Variants in PCSK5 observed in about 807,000 individuals in gnomAD.
PCSK5 encodes the protein prohormone convertase 5.
Under a neutral mutation model 233.2 loss-of-function variants are expected in PCSK5, and 129 were observed. The observed-to-expected ratio is 0.55, with a 90% CI of 0.48 to 0.64. The LOEUF is 0.64. Among genes scored for constraint, PCSK5 ranks in the 30% least tolerant of loss-of-function variants. PCSK5 has a pLI of 0.00. For synonymous variants in PCSK5, 825 were observed against 879.2 expected (o/e 0.94, Z 1.09); for missense variants, 2,076 against 2,430.1 (o/e 0.85, Z 3.06).
chr9:75,963,913 C>T (rs1040178739), intron 2 of PCSK5, among the ~76,000 whole-genome samples: 12 of 152,258 alleles, frequency 7.9e-5, no homozygotes, highest in Admixed American at 5.9e-4. Context: ...ATTCAGTCAC[C>T]GTATACCATA....
intron 3 of PCSK5, among the ~76,000 whole-genome samples, chr9:75,998,148 T>G (rs904534077): frequency 2.0e-5 from 3 of 152,204 alleles, no homozygotes; most frequent in Non-Finnish European, 4.4e-5. Flanking sequence ...AGAGAAATCA[T>G]TTTTATCTTT....
At chr9:75,965,261 ATGTGTG>A (rs71372035) in intron 2 of PCSK5, among the ~76,000 whole-genome samples, 57,267 of 149,618 alleles carry the variant, frequency 0.38, 11,284 homozygotes, top group East Asian at 0.51. Flanking sequence ...ATGTGTGTAT[ATGTGTG>A]TGTGTGTGTG....
At chr9:76,262,939 A>C (rs536266132) in intron 24 of PCSK5, among the ~76,000 whole-genome samples, 2,923 of 151,608 alleles carry the variant, frequency 0.019, 35 homozygotes, top group Middle Eastern at 0.041. Context: ...AAGAAAAAAA[A>C]AAACAACCCC....
intron 9 of PCSK5, among the ~76,000 whole-genome samples, chr9:76,115,304 A>G (rs1312055697): frequency 1.3e-5 from 2 of 152,100 alleles, no homozygotes; most frequent in Non-Finnish European, 2.9e-5. Context: ...AAAAGTGCCT[A>G]CCCGGAGATC....
chr9:76,200,665 T>C (rs112078175), intron 20 of PCSK5, among the ~76,000 whole-genome samples: 3,466 of 152,094 alleles, frequency 0.023, 56 homozygotes, highest in Middle Eastern at 0.034. Context: ...TCAAAGAAGG[T>C]TATGATGTTT....
chr9:76,082,749 G>A (rs562105806), intron 7 of PCSK5, among the ~76,000 whole-genome samples: 3 of 151,774 alleles, frequency 2.0e-5, no homozygotes, highest in South Asian at 2.1e-4. Flanking sequence ...TGTTGCAATC[G>A]ATATTCATCA....
chr9:76,338,512 G>A, intron 35 of PCSK5, 65 bp downstream of exon 35: 1 of 1,192,780 alleles, frequency 8.4e-7, no homozygotes, highest in Non-Finnish European at 1.2e-6. Context: ...TTCCTTATTT[G>A]CCCCTTTCTC....
chr9:76,286,757 CAGA>C (rs1828084429), intron 24 of PCSK5: 1 of 159,866 alleles, frequency 6.3e-6, no homozygotes, highest in Admixed American at 6.5e-5. Context: ...TCTGCTGCTG[CAGA>C]AGGAGGAAGA....
chr9:75,968,122 G>C (rs1361111737), intron 2 of PCSK5, among the ~76,000 whole-genome samples: 1 of 152,206 alleles, frequency 6.6e-6, no homozygotes, highest in East Asian at 1.9e-4. Flanking sequence ...CTGATCCAGG[G>C]AGTCAGAGGG....
At chr9:76,291,430 A>C (rs776812131) in intron 24 of PCSK5, among the ~76,000 whole-genome samples, 5 of 152,248 alleles carry the variant, frequency 3.3e-5, no homozygotes, top group Non-Finnish European at 5.9e-5. Flanking sequence ...TAAAATAAGA[A>C]GAGCAAGACT....
chr9:76,040,643 T>A (rs1009009380), intron 5 of PCSK5, among the ~76,000 whole-genome samples: 14 of 152,296 alleles, frequency 9.2e-5, no homozygotes, highest in Middle Eastern at 6.8e-3. Flanking sequence ...ACATAGCTTA[T>A]GAAAGTGAGT....
intron 22 of PCSK5, 94 bp from the exon 23 acceptor site, chr9:76,238,865 C>A: frequency 2.2e-6 from 2 of 922,960 alleles, no homozygotes; most frequent in Non-Finnish European, 3.3e-6. Context: ...AGCACTCAGT[C>A]GCATCTTTTT....
At chr9:75,911,201 G>GTTTTTTTTTTTTTTTTTTTTTTTTTTTT (rs71370772) in intron 1 of PCSK5, among the ~76,000 whole-genome samples, 1 of 48,764 alleles carries the variant, frequency 2.1e-5, no homozygotes, top group Non-Finnish European at 3.5e-5. Context: ...GAACATATAG[G>GTTTTTTTTTTTTTTTTTTTTTTTTTTTT]TTTTTTTTTT....
intron 3 of PCSK5, among the ~76,000 whole-genome samples, chr9:76,008,975 G>A (rs1827601159): frequency 1.3e-5 from 2 of 152,086 alleles, no homozygotes; most frequent in South Asian, 4.1e-4. Flanking sequence ...CAATATATGG[G>A]ATCTACTTAT....
intron 23 of PCSK5, among the ~76,000 whole-genome samples, chr9:76,239,932 A>C (rs532912191): frequency 1.1e-4 from 16 of 152,290 alleles, no homozygotes; most frequent in Non-Finnish European, 2.1e-4. Context: ...ATCAAGACAG[A>C]GTGGCTTTGA....
chr9:76,084,590 CACAA>C (rs1830986843), intron 7 of PCSK5, among the ~76,000 whole-genome samples: 1 of 152,158 alleles, frequency 6.6e-6, no homozygotes, highest in Non-Finnish European at 1.5e-5. Flanking sequence ...AACTCCTCCT[CACAA>C]GAGTGTTCTA....
chr9:76,158,229 TA>T lies in PCSK5; in HGVS notation c.1431-753del, dbSNP rs368130523. Among the ~76,000 whole-genome samples, 10 of 152,230 alleles carry T rather than the reference TA, an allele frequency of 6.6e-5. 1 individual carries two copies. The highest frequency in any genetic ancestry group is 3.4e-3 in the Middle Eastern group (1 of 294). On this transcript the variant is annotated intron_variant, in intron 11 of 37. Coordinates refer to ENST00000674117, the MANE Select transcript of PCSK5 (RefSeq NM_001372043.1). Reference sequence around the variant, plus strand: ...TTTAAAAAATGTGAAAAATAAGAGATAGGGGACATATTTTCACCTGTGGCTC... The same window carrying T: ...TTTAAAAAATGTGAAAAATAAGAGATGGGGACATATTTTCACCTGTGGCTC...
intron 1 of PCSK5, among the ~76,000 whole-genome samples, chr9:75,912,543 T>C (rs187831191): frequency 4.2e-4 from 64 of 152,310 alleles, no homozygotes; most frequent in Non-Finnish European, 8.8e-5. Context: ...TCTCAGTTGT[T>C]ACCGCTGCTA....
At chr9:76,195,864 A>G (rs1209905101) in intron 20 of PCSK5, 1 of 152,128 alleles carries the variant, frequency 6.6e-6, no homozygotes, top group African/African-American at 2.4e-5. Flanking sequence ...TATTTTTTCT[A>G]TTAAATTAAC....
Sources: gnomAD v4.1 joint callset for allele counts (sites outside exome capture counted in the v4.1 genomes callset) on GRCh38, gnomAD v4.1.1 for gene constraint, MANE v1.5 for transcripts, NCBI Gene and HGNC (gene_info 2026-07-23, HGNC 2026-07-21) for gene names.